HECW2: variants seen among roughly 807,000 people sequenced by gnomAD.
The protein encoded by HECW2 is HECT, C2 and WW domain containing E3 ubiquitin protein ligase 2.
Under a neutral mutation model 175.2 loss-of-function variants are expected in HECW2, and 61 were observed. That is an observed-to-expected ratio of 0.35 (90% CI 0.28 to 0.43). The LOEUF is 0.43. HECW2 is among the 20% of genes least tolerant of loss of function. The probability of loss-of-function intolerance (pLI) is 1.00; values close to 1 mark genes in which losing one functional copy is unlikely to be tolerated. For synonymous variants in HECW2, 671 were observed against 731.0 expected (o/e 0.92, Z 1.32); for missense variants, 1,524 against 2,000.5 (o/e 0.76, Z 4.54).
intron 1 of HECW2, among the ~76,000 whole-genome samples, chr2:196,521,305 A>AAAAAAAAAAAAAAAAAAAAT (rs1688371225): frequency 6.8e-6 from 1 of 147,378 alleles, no homozygotes; most frequent in African/African-American, 2.6e-5. Context: ...AAAAAAAAAA[A>AAAAAAAAAAAAAAAAAAAAT]AAGAAAGAAA....
chr2:196,237,376 T>C (rs927749465), intron 21 of HECW2, among the ~76,000 whole-genome samples: 1 of 152,178 alleles, frequency 6.6e-6, no homozygotes, highest in Non-Finnish European at 1.5e-5. Context: ...AAAAGTTCAA[T>C]GTATCATTCT....
At chr2:196,327,049 A>G (rs1309065666) in intron 5 of HECW2, among the ~76,000 whole-genome samples, 2 of 152,222 alleles carry the variant, frequency 1.3e-5, no homozygotes, top group East Asian at 1.9e-4. Context: ...CCCAGACAGA[A>G]GAATGATATT....
intron 2 of HECW2, among the ~76,000 whole-genome samples, chr2:196,399,526 G>A (rs116727722): frequency 2.1e-4 from 32 of 152,308 alleles, no homozygotes; most frequent in African/African-American, 7.7e-4. Context: ...TGCTGATCCA[G>A]CTCTTCCCCC....
At chr2:196,224,529 T>TA (rs1043680086) in intron 23 of HECW2, among the ~76,000 whole-genome samples, 2 of 151,284 alleles carry the variant, frequency 1.3e-5, no homozygotes, top group African/African-American at 4.9e-5. Context: ...ACAGAAAAGT[T>TA]AAAAAAAAGA....
At chr2:196,407,587 G>C (rs745629087) in intron 2 of HECW2, among the ~76,000 whole-genome samples, 3 of 152,190 alleles carry the variant, frequency 2.0e-5, no homozygotes, top group Admixed American at 2.0e-4. Flanking sequence ...AACACAGAGA[G>C]GAAGGTGCTA....
intron 1 of HECW2, among the ~76,000 whole-genome samples, chr2:196,518,682 T>G (rs1342670039): frequency 6.9e-6 from 1 of 145,234 alleles, no homozygotes; most frequent in Non-Finnish European, 1.5e-5. Context: ...AAAAAAACCC[T>G]TTAGAGAATT....
rs1043203179 is a variant in HECW2 at position 196,292,818 on chromosome 2, C to T, written c.2815-68G>A. 1.9e-5 allele frequency: 23 copies of T among 1,217,550 alleles called. No homozygotes were observed. The East Asian group carries it at 5.4e-4, about 29-fold the overall frequency. The allele number at this position is 1,217,550 out of a possible 1,614,324, so 75.4% of individuals were successfully genotyped here. On this transcript the variant is annotated intron_variant, in intron 13 of 28. Coordinates refer to ENST00000644978, the MANE Select transcript of HECW2 (RefSeq NM_001348768.2). ...ATGCAGAAGCACCAGAAATACTACA[C>T]ATGGGTATGGCTAATCTTCCAATAA...
chr2:196,449,509 A>G (rs1325294511), intron 1 of HECW2, among the ~76,000 whole-genome samples: 6 of 152,240 alleles, frequency 3.9e-5, no homozygotes, highest in Non-Finnish European at 7.3e-5. Context: ...GGATGCTGAA[A>G]GATTTCATTT....
chr2:196,513,330 G>A (rs200752716), intron 1 of HECW2, among the ~76,000 whole-genome samples: 4 of 152,120 alleles, frequency 2.6e-5, no homozygotes, highest in South Asian at 2.1e-4. Context: ...GCCACATGGC[G>A]AAATGTCATC....
chr2:196,461,329 C>T (rs565675332), intron 1 of HECW2, among the ~76,000 whole-genome samples: 78 of 152,308 alleles, frequency 5.1e-4, no homozygotes, highest in Non-Finnish European at 8.1e-4. Flanking sequence ...ACACCCATTA[C>T]TAGGATGACC....
intron 5 of HECW2, among the ~76,000 whole-genome samples, chr2:196,327,824 G>A (rs1692210524): frequency 6.6e-6 from 1 of 152,172 alleles, no homozygotes; most frequent in Non-Finnish European, 1.5e-5. Flanking sequence ...AAATGTGTAA[G>A]GAAGAAGCAT....
chr2:196,207,699 A>G (rs115830536), intron 28 of HECW2, among the ~76,000 whole-genome samples: 1,756 of 152,334 alleles, frequency 0.012, 33 homozygotes, highest in African/African-American at 0.04. Flanking sequence ...AGGTCAACGT[A>G]TATCTCCCAC....
At chr2:196,339,715 T>A (rs1167248359) in intron 3 of HECW2, among the ~76,000 whole-genome samples, 2 of 152,232 alleles carry the variant, frequency 1.3e-5, no homozygotes, top group African/African-American at 4.8e-5. Context: ...GGCCTGCCAG[T>A]ACTTTTGAAA....
chr2:196,502,727 A>G (rs1687618893), intron 1 of HECW2, among the ~76,000 whole-genome samples: 2 of 152,112 alleles, frequency 1.3e-5, no homozygotes, highest in Non-Finnish European at 2.9e-5. Context: ...AAGAGCAACT[A>G]TGGACGGTCC....
At chr2:196,275,096 C>T (rs964616029) in intron 15 of HECW2, among the ~76,000 whole-genome samples, 3 of 152,204 alleles carry the variant, frequency 2.0e-5, no homozygotes, top group Non-Finnish European at 2.9e-5. Context: ...TGGAAATATC[C>T]TCCCCACCCT....
In HECW2 at chr2:196,319,822, G is replaced by A. The variant is rs1448008383; in HGVS notation, c.1068C>T (p.Asp356=). 8 of 1,614,070 alleles carry A rather than the reference G, an allele frequency of 5.0e-6. No individual in the cohort carries two copies. The highest frequency in any genetic ancestry group is 1.1e-5 in the South Asian group (1 of 91,086). The change falls in exon 9 of 29, where the codon GAC becomes GAT. Residue 356 remains aspartate, a synonymous_variant. Coordinates refer to ENST00000644978, the MANE Select transcript of HECW2 (RefSeq NM_001348768.2). ...GGCTGTCGTGATGGCTCCCTGGCAT[G>A]TCCTCGTCATCGGAAGGGCTACCTA... ...GDLGSPSDDE[D]MPGSHHDSQV...
At position 196,240,448 on chromosome 2, in the gene HECW2, C is replaced by A; in HGVS notation, c.3764+1G>T. 1 of 1,601,150 alleles carries A rather than the reference C, an allele frequency of 6.2e-7. No homozygotes were observed. Among genetic ancestry groups the A allele is most frequent in the Non-Finnish European group, 8.5e-7 (1 of 1,172,228 alleles). Reference sequence around the variant, plus strand: ...ACAGGCCACTTCTCTGTTCTACTCACCCTTCCTCCCCAACGAAGGTGACAT... The same window carrying A: ...ACAGGCCACTTCTCTGTTCTACTCAACCTTCCTCCCCAACGAAGGTGACAT... On this transcript the variant is annotated splice_donor_variant, in intron 21 of 28. Transcript: ENST00000644978. LOFTEE classifies it high-confidence loss of function.
intron 2 of HECW2, among the ~76,000 whole-genome samples, chr2:196,391,361 A>C (rs903298312): frequency 6.6e-6 from 1 of 152,146 alleles, no homozygotes; most frequent in Non-Finnish European, 1.5e-5. Context: ...CCCTGTATTA[A>C]AGGTCACACA....
rs369586280 is a variant in HECW2, at chr2:196,402,803, A to ATTTT, written c.292+30325_292+30328dup. Among the ~76,000 whole-genome samples, 28 of 123,622 alleles carry ATTTT rather than the reference A, an allele frequency of 2.3e-4. 1 individual carries two copies. Among genetic ancestry groups the ATTTT allele is most frequent in the Non-Finnish European group, 2.7e-4 (17 of 61,944 alleles). 81.1% of individuals were successfully genotyped at this position (123,622 alleles called of 152,430 possible). A position where few individuals can be genotyped will look rare whatever the true frequency, so the allele number is the denominator to read the frequency against. On this transcript the variant is annotated intron_variant, in intron 2 of 28. Transcript: ENST00000644978. ...AACAAACAGATTCCTTGCCTTGGGAATTTTTTTTTTTTTTTTTTTTTGAGA... is the reference window on the plus strand; with the variant it reads ...AACAAACAGATTCCTTGCCTTGGGAATTTTTTTTTTTTTTTTTTTTTTTTTGAGA...
Sources: allele counts gnomAD v4.1 joint callset (sites outside exome capture counted in the v4.1 genomes callset), GRCh38; gene constraint gnomAD v4.1.1; transcripts MANE v1.5; gene names NCBI Gene and HGNC (gene_info 2026-07-23, HGNC 2026-07-21).